The following ADK variants were observed in gnomAD, a reference collection of about 807,000 sequenced individuals.
ADK encodes the protein N6,N6-dimethyladenosine kinase.
ADK carries 24 observed loss-of-function variants against 44.7 expected under a neutral mutation model. The ratio of observed to expected loss-of-function variants is 0.54; its 90% CI spans 0.39 to 0.76. ADK has a LOEUF of 0.76. Ranked by LOEUF, ADK falls within the 30% of genes least tolerant of loss-of-function variation. ADK has a pLI of 0.00. For synonymous variants in ADK, 128 were observed against 142.6 expected, an observed-to-expected ratio of 0.90 and a Z score of 0.73; for missense variants, 321 against 425.1, an observed-to-expected ratio of 0.76 and a Z score of 2.15.
chr10:74,477,330 G>A (rs1039557713), intron 6 of ADK, among the ~76,000 whole-genome samples: 4 of 151,974 alleles, frequency 2.6e-5, no homozygotes, highest in Non-Finnish European at 5.9e-5. Flanking sequence ...TCAGCCTCCC[G>A]AGTAGCTGGG....
intron 4 of ADK, among the ~76,000 whole-genome samples, chr10:74,337,762 T>A (rs1841455457): frequency 1.5e-5 from 1 of 67,146 alleles, no homozygotes; most frequent in African/African-American, 5.9e-5. Flanking sequence ...TTCGGATGAT[T>A]TTTTTTTTTT....
At chr10:74,620,727 A>G (rs995458881) in intron 9 of ADK, among the ~76,000 whole-genome samples, 1 of 151,788 alleles carries the variant, frequency 6.6e-6, no homozygotes, top group Admixed American at 6.6e-5. Flanking sequence ...TTTTAATGAT[A>G]GCCATTCTTA....
intron 10 of ADK, among the ~76,000 whole-genome samples, chr10:74,677,965 CAAAAAAAAAAAAAA>C (rs3037448): frequency 1.6e-4 from 7 of 43,058 alleles, no homozygotes; most frequent in Non-Finnish European, 2.0e-4. Flanking sequence ...CCAGTCTCTA[CAAAAAAAAAAAAAA>C]AAAAAAAAAA....
intron 7 of ADK, among the ~76,000 whole-genome samples, chr10:74,587,214 C>CT (rs1263898711): frequency 5.3e-5 from 8 of 152,240 alleles, no homozygotes; most frequent in African/African-American, 1.9e-4. Flanking sequence ...GCTTTTGAAC[C>CT]TTTTCCTATT....
intron 4 of ADK, among the ~76,000 whole-genome samples, chr10:74,350,156 A>T (rs375069342): frequency 2.6e-4 from 39 of 152,186 alleles, no homozygotes; most frequent in African/African-American, 8.9e-4. Flanking sequence ...AATCAACCAC[A>T]TAATTCAAAG....
intron 6 of ADK, among the ~76,000 whole-genome samples, chr10:74,403,845 T>C (rs1843806003): frequency 6.6e-6 from 1 of 152,146 alleles, no homozygotes; most frequent in Admixed American, 6.6e-5. Flanking sequence ...AGCTGTAGAA[T>C]GGAGCTGTTC....
chr10:74,451,067 CTTT>C (rs35120068), intron 6 of ADK, among the ~76,000 whole-genome samples: 12 of 72,180 alleles, frequency 1.7e-4, no homozygotes, highest in African/African-American at 6.6e-4. Flanking sequence ...GCTCTGCTGC[CTTT>C]TTTTTTTTTT....
chr10:74,668,595 G>A (rs1010472381), intron 9 of ADK, among the ~76,000 whole-genome samples: 29 of 152,186 alleles, frequency 1.9e-4, no homozygotes, highest in African/African-American at 6.5e-4. Context: ...AATTAGCTGG[G>A]CGTGATGGCA....
chr10:74,651,390 GA>G (rs1011371812), intron 9 of ADK, among the ~76,000 whole-genome samples: 2 of 152,020 alleles, frequency 1.3e-5, no homozygotes, highest in African/African-American at 4.8e-5. Context: ...AAAAATTTTA[GA>G]AAGGACATTC....
At chr10:74,353,729 G>A (rs922198087) in intron 4 of ADK, among the ~76,000 whole-genome samples, 7 of 152,050 alleles carry the variant, frequency 4.6e-5, no homozygotes, top group East Asian at 1.9e-4. Context: ...TTAGCCAGGC[G>A]TGGTGGCGGG....
chr10:74,386,336 G>A (rs1843139459), intron 4 of ADK, among the ~76,000 whole-genome samples: 1 of 152,062 alleles, frequency 6.6e-6, no homozygotes, highest in Admixed American at 6.6e-5. Context: ...ATTCTATTAT[G>A]AATTGAATTA....
At chr10:74,177,769 A>G (rs1323220590) in intron 1 of ADK, among the ~76,000 whole-genome samples, 3 of 151,964 alleles carry the variant, frequency 2.0e-5, no homozygotes, top group Non-Finnish European at 4.4e-5. Flanking sequence ...TTTTTGGTCT[A>G]TGAGCTTTCC....
intron 4 of ADK, among the ~76,000 whole-genome samples, chr10:74,357,513 C>T (rs1842186558): frequency 6.9e-6 from 1 of 145,570 alleles, no homozygotes; most frequent in Non-Finnish European, 1.5e-5. Context: ...GTTGCCGAGG[C>T]TGGTCTCAAA....
At chr10:74,667,296 A>G (rs905661975) in intron 9 of ADK, among the ~76,000 whole-genome samples, 3 of 152,176 alleles carry the variant, frequency 2.0e-5, no homozygotes, top group Non-Finnish European at 2.9e-5. Context: ...AACTGAGTTT[A>G]TGACGCATCT....
chr10:74,678,373 G>A (rs1855484285), intron 10 of ADK, among the ~76,000 whole-genome samples: 1 of 152,044 alleles, frequency 6.6e-6, no homozygotes. Context: ...AAAATGTAAA[G>A]ATTATCCTCT....
chr10:74,280,274 T>C (rs1846877707), intron 3 of ADK, among the ~76,000 whole-genome samples: 1 of 152,098 alleles, frequency 6.6e-6, no homozygotes, highest in Admixed American at 6.5e-5. Context: ...GGCTAATTTT[T>C]TGTATTTTTA....
At chr10:74,509,845 T>G (rs1848234794) in intron 6 of ADK, among the ~76,000 whole-genome samples, 1 of 152,228 alleles carries the variant, frequency 6.6e-6, no homozygotes, top group African/African-American at 2.4e-5. Context: ...TGTTTAACTT[T>G]CTGTTCCTAA....
intron 4 of ADK, among the ~76,000 whole-genome samples, chr10:74,342,463 T>C (rs1395910657): frequency 3.9e-5 from 6 of 152,110 alleles, no homozygotes; most frequent in Admixed American, 3.3e-4. Flanking sequence ...GAGATACAAT[T>C]GTGTGTGGTT....
intron 3 of ADK, among the ~76,000 whole-genome samples, chr10:74,290,834 A>T (rs1031497932): frequency 4.6e-5 from 7 of 152,104 alleles, no homozygotes; most frequent in African/African-American, 1.4e-4. Context: ...ATAAAGAGAG[A>T]CACTGAATTT....
Sources: allele counts gnomAD v4.1 joint callset (sites outside exome capture counted in the v4.1 genomes callset), GRCh38; gene constraint gnomAD v4.1.1; transcripts MANE v1.5; gene names NCBI Gene and HGNC (gene_info 2026-07-23, HGNC 2026-07-21).